FAM47E: variants seen among roughly 807,000 people sequenced by gnomAD.
The protein encoded by FAM47E is family with sequence similarity 47 member E.
Under a neutral mutation model 41.6 loss-of-function variants are expected in FAM47E, and 32 were observed. That is an observed-to-expected ratio of 0.77 (90% CI 0.58 to 1.03). FAM47E has a LOEUF of 1.03. Ranked by LOEUF, FAM47E falls within the 50% of genes least tolerant of loss-of-function variation. FAM47E has a pLI of 0.00. For missense variants in FAM47E, 424 were observed against 485.4 expected (o/e 0.87, Z 1.19); for synonymous variants, 184 against 188.7 (o/e 0.98, Z 0.20).
rs1265970508 is a variant in FAM47E, at chr4:76,256,489, T to C, written c.386T>C (p.Leu129Pro). ...CACCTGACCCCACATCCCTTAGCGC[T>C]CTACCTGAATCTGGAAGAAGCTATG... ...EAHLTPHPLA[L>P]YLNLEEAMPI... Residue 129 changes from leucine to proline, a missense_variant, in exon 2 of 8, where the codon CTC (leucine) becomes CCC (proline). Coordinates refer to ENST00000424749, the MANE Select transcript of FAM47E (RefSeq NM_001136570.3). 1.3e-6 allele frequency: 2 copies of C among 1,550,874 alleles called. No homozygotes were observed. The highest frequency in any genetic ancestry group is 3.9e-5 in the Admixed American group (2 of 50,990).
At position 76,232,518 on chromosome 4, in the gene FAM47E, C is replaced by T. The variant is rs540904981; in HGVS notation, c.81+14830C>T. Among the ~76,000 whole-genome samples the T allele has an allele frequency of 3.3e-5, 5 of 152,232 alleles. No individual in the cohort carries two copies. In the East Asian group the frequency reaches 9.7e-4, roughly 29 times the overall value. On this transcript the variant is annotated intron_variant, in intron 2 of 7. Coordinates refer to the FAM47E transcript ENST00000510197. ...AATTGACAAAGGAGTTTGGTTTTCT[C>T]TGTGGTTTACAATAAGTTAACATAA... is the stretch of plus-strand genomic sequence containing the variant.
intron 2 of FAM47E, among the ~76,000 whole-genome samples, chr4:76,245,398 G>C (rs1733803909): frequency 6.6e-6 from 1 of 152,132 alleles, no homozygotes; most frequent in East Asian, 1.9e-4. Context: ...CCAAGAGTTT[G>C]AGTCATGTGA....
At chr4:76,255,940 G>T (rs748246632) in intron 1 of FAM47E, among the ~76,000 whole-genome samples, 10 of 152,152 alleles carry the variant, frequency 6.6e-5, no homozygotes, top group Admixed American at 2.0e-4. Flanking sequence ...AGAGTCGGAT[G>T]TGGGGATAAA....
chr4:76,251,529 G>C (rs1342025298), upstream of FAM47E, among the ~76,000 whole-genome samples: 2 of 152,156 alleles, frequency 1.3e-5, no homozygotes, highest in Non-Finnish European at 2.9e-5. Context: ...AGAGTAAAAC[G>C]TGATTACACC....
At chr4:76,214,203 G>A (rs1214155211) in exon 1 of FAM47E, 1 of 454,180 alleles carries the variant, frequency 2.2e-6, no homozygotes, top group African/African-American at 2.0e-5. Flanking sequence ...GCGCTCGCAA[G>A]TTAGCGGGGA....
At chr4:76,222,632 C>A (rs1452797669) in intron 2 of FAM47E, among the ~76,000 whole-genome samples, 1 of 152,184 alleles carries the variant, frequency 6.6e-6, no homozygotes, top group Admixed American at 6.5e-5. Context: ...GGGTTTTGGT[C>A]CTTCACATTC....
chr4:76,275,461 A>T (rs1735056135), intron 5 of FAM47E, among the ~76,000 whole-genome samples: 1 of 152,210 alleles, frequency 6.6e-6, no homozygotes, highest in Non-Finnish European at 1.5e-5. Flanking sequence ...GTATGCATTT[A>T]TTCAAAAACA....
At chr4:76,267,727 A>G (rs1199001917) in intron 3 of FAM47E, 1 of 152,240 alleles carries the variant, frequency 6.6e-6, no homozygotes, top group Non-Finnish European at 1.5e-5. Flanking sequence ...AACTACTAAT[A>G]CATGCTACAA....
At chr4:76,268,275 C>A in intron 3 of FAM47E, 1 of 178,464 alleles carries the variant, frequency 5.6e-6, no homozygotes, top group Non-Finnish European at 1.2e-5. Flanking sequence ...CTTAACTGAG[C>A]TGGATTTTAA....
chr4:76,278,611 C>T (rs754995382), intron 6 of FAM47E: 5 of 257,998 alleles, frequency 1.9e-5, no homozygotes, highest in Non-Finnish European at 3.6e-5. Context: ...TGTTTCCTAT[C>T]AGCTATGGGT....
In FAM47E at chr4:76,271,718, A is replaced by G. The variant is rs1430026238; in HGVS notation, c.820A>G (p.Thr274Ala). The G allele has an allele frequency of 2.6e-6, 4 of 1,551,630 alleles. No individual in the cohort carries two copies. The South Asian group carries it at 4.8e-5, about 18-fold the overall frequency. The change falls in exon 5 of 8, where the codon ACA becomes GCA. Residue 274 changes from threonine to alanine, a missense_variant. Coordinates refer to ENST00000424749, the MANE Select transcript of FAM47E (RefSeq NM_001136570.3). ...RSVGLSKLQE[T>A]EFFQKLGYER... ...TGTGGGGCTCAGTAAACTGCAGGAG[A>G]CAGAGTTCTTCCAGAAACTAGGCTA...
At chr4:76,278,048 G>A in intron 5 of FAM47E, 21 bp from the exon 6 acceptor site, 3 of 1,464,472 alleles carry the variant, frequency 2.0e-6, no homozygotes, top group Non-Finnish European at 2.7e-6. Context: ...ATGGCACTGG[G>A]AATTATGTTA....
chr4:76,216,292 A>C (rs1320423870), intron 1 of FAM47E, among the ~76,000 whole-genome samples: 1 of 152,126 alleles, frequency 6.6e-6, no homozygotes, highest in Admixed American at 6.5e-5. Context: ...CCTGTCATCT[A>C]TATGTCCTCT....
intron 5 of FAM47E, among the ~76,000 whole-genome samples, chr4:76,273,843 C>T (rs940741075): frequency 3.6e-5 from 5 of 139,080 alleles, no homozygotes; most frequent in East Asian, 2.1e-4. Flanking sequence ...ATGGCTATGT[C>T]GTTAAATTCT....
At chr4:76,218,580 T>TTTTGG (rs1733255121) in intron 2 of FAM47E, among the ~76,000 whole-genome samples, 1 of 152,198 alleles carries the variant, frequency 6.6e-6, no homozygotes, top group Non-Finnish European at 1.5e-5. Flanking sequence ...TTCCAGTTTG[T>TTTTGG]TTTGGTTTGG....
At chr4:76,275,963 A>C (rs1735080314) in intron 5 of FAM47E, among the ~76,000 whole-genome samples, 1 of 151,800 alleles carries the variant, frequency 6.6e-6, no homozygotes, top group South Asian at 2.1e-4. Context: ...TGCTATTAGA[A>C]TCTAGTGGGT....
intron 5 of FAM47E, among the ~76,000 whole-genome samples, chr4:76,272,454 C>A (rs1173507183): frequency 6.6e-6 from 1 of 152,200 alleles, no homozygotes; most frequent in Non-Finnish European, 1.5e-5. Context: ...CTCTAATTGT[C>A]TTCTGCCTTT....
rs369495066 is a variant in FAM47E at position 76,253,991 on chromosome 4, G to A, written c.74+2171G>A. Among the ~76,000 whole-genome samples, 25 of 151,804 alleles carry A rather than the reference G, an allele frequency of 1.6e-4. No homozygotes were observed. The East Asian group carries it at 4.4e-3, about 27-fold the overall frequency. On this transcript the variant is annotated intron_variant, in intron 1 of 7. Transcript: ENST00000424749. ...TAAAAATTTAGCTAGGCATGGTGCC[G>A]CACACCTGTAGTCCCAACTACTTGG... is the stretch of plus-strand genomic sequence containing the variant.
At chr4:76,271,489 G>A (rs766395942) in intron 4 of FAM47E, 79 bp from the exon 5 acceptor site, 52 of 1,488,246 alleles carry the variant, frequency 3.5e-5, no homozygotes, top group South Asian at 1.0e-4. Context: ...TTTCCTCAGC[G>A]ATGGCCCTCA....
Sources: gnomAD v4.1 joint callset for allele counts (sites outside exome capture counted in the v4.1 genomes callset) on GRCh38, gnomAD v4.1.1 for gene constraint, MANE v1.5 for transcripts, NCBI Gene and HGNC (gene_info 2026-07-23, HGNC 2026-07-21) for gene names.